Variants in CPA6 observed in about 807,000 individuals in gnomAD.
CPA6 encodes carboxypeptidase B.
A neutral mutation model predicts 63.3 loss-of-function variants in CPA6; 58 were observed. The observed-to-expected ratio is 0.92, with a 90% CI of 0.74 to 1.14. CPA6 has a LOEUF of 1.14. Ranked by LOEUF, CPA6 falls within the 50% of genes most tolerant of loss-of-function variation. The pLI is 0.00. For synonymous variants in CPA6, 185 were observed against 179.0 expected, an observed-to-expected ratio of 1.03 and a Z score of -0.27; for missense variants, 565 against 526.6, an observed-to-expected ratio of 1.07 and a Z score of -0.71.
intron 8 of CPA6, 190 bp downstream of exon 8, chr8:67,483,578 A>G: frequency 1.7e-6 from 1 of 594,852 alleles, no homozygotes; most frequent in South Asian, 2.1e-5. Flanking sequence ...TGATTTTTAT[A>G]TATTAAAAAA....
At chr8:67,437,419 C>CA (rs201067468) in intron 8 of CPA6, among the ~76,000 whole-genome samples, 2,833 of 151,264 alleles carry the variant, frequency 0.019, 55 homozygotes, top group African/African-American at 0.054. Flanking sequence ...TAAAACAAAA[C>CA]AAAAAAAACT....
At chr8:67,619,084 G>A (rs1042742140) in intron 2 of CPA6, among the ~76,000 whole-genome samples, 3 of 152,196 alleles carry the variant, frequency 2.0e-5, no homozygotes, top group Non-Finnish European at 2.9e-5. Flanking sequence ...TCTCTTCTCA[G>A]ATTCCGTTCA....
At chr8:67,516,203 C>T (rs906393391) in intron 3 of CPA6, among the ~76,000 whole-genome samples, 1 of 152,304 alleles carries the variant, frequency 6.6e-6, no homozygotes, top group East Asian at 1.9e-4. Context: ...CCCCTCCTTC[C>T]TTACTTTCAG....
chr8:67,510,332 T>C (rs939265349), intron 4 of CPA6, among the ~76,000 whole-genome samples: 6 of 152,098 alleles, frequency 3.9e-5, no homozygotes, highest in Non-Finnish European at 7.4e-5. Flanking sequence ...GCTGAAAAAA[T>C]AGCTAAATAT....
chr8:67,559,872 C>T (rs140516900), intron 2 of CPA6, among the ~76,000 whole-genome samples: 7 of 113,326 alleles, frequency 6.2e-5, no homozygotes, highest in Non-Finnish European at 1.3e-4. Context: ...TATATGTATA[C>T]ACACACACAC....
rs372889184 is a variant in CPA6 at position 67,516,972 on chromosome 8, T to A, written c.317+951A>T. ...CCACTACACCCAGCTAATTTTTGTA[T>A]TTTTAGTAGAGACAGGGTTTCACCA... On this transcript the variant is annotated intron_variant, in intron 3 of 10. Transcript: ENST00000297770. Among the ~76,000 whole-genome samples, 12 of 152,172 alleles carry A rather than the reference T, an allele frequency of 7.9e-5. No homozygotes were observed. The South Asian group carries it at 1.5e-3, about 18-fold the overall frequency.
intron 9 of CPA6, among the ~76,000 whole-genome samples, chr8:67,433,550 C>G (rs1275753520): frequency 1.3e-5 from 2 of 152,178 alleles, no homozygotes; most frequent in Non-Finnish European, 2.9e-5. Context: ...AAATTAAAAC[C>G]TGCTTTTAAT....
intron 1 of CPA6, among the ~76,000 whole-genome samples, chr8:67,706,036 GT>G (rs1817127346): frequency 6.6e-6 from 1 of 152,106 alleles, no homozygotes; most frequent in African/African-American, 2.4e-5. Flanking sequence ...ATAACTGGTT[GT>G]TTACAAAGAG....
At chr8:67,480,650 G>A (rs1170320051) in intron 8 of CPA6, among the ~76,000 whole-genome samples, 1 of 124,842 alleles carries the variant, frequency 8.0e-6, no homozygotes, top group Non-Finnish European at 1.7e-5. Flanking sequence ...AAGTCATTAT[G>A]GGAATAAATG....
intron 1 of CPA6, among the ~76,000 whole-genome samples, chr8:67,736,711 G>A (rs922801617): frequency 1.3e-5 from 2 of 152,134 alleles, no homozygotes; most frequent in African/African-American, 4.8e-5. Flanking sequence ...TGACACATCA[G>A]TTTCTGGAAT....
intron 1 of CPA6, among the ~76,000 whole-genome samples, chr8:67,650,879 G>A (rs1815821601): frequency 6.6e-6 from 1 of 152,138 alleles, no homozygotes; most frequent in African/African-American, 2.4e-5. Context: ...GCAGGAGTGG[G>A]AGTAGGGAAT....
chr8:67,711,870 C>A (rs1258580468), intron 1 of CPA6, among the ~76,000 whole-genome samples: 2 of 152,174 alleles, frequency 1.3e-5, no homozygotes, highest in African/African-American at 2.4e-5. Context: ...CTACACCAAT[C>A]AATACCCTGG....
intron 8 of CPA6, among the ~76,000 whole-genome samples, chr8:67,459,322 C>A (rs1445536904): frequency 2.6e-5 from 4 of 152,050 alleles, no homozygotes; most frequent in Non-Finnish European, 4.4e-5. Context: ...CCATGCCCAG[C>A]CAACAGCTTT....
chr8:67,701,396 A>G (rs1817021757), intron 1 of CPA6, among the ~76,000 whole-genome samples: 1 of 152,210 alleles, frequency 6.6e-6, no homozygotes, highest in Non-Finnish European at 1.5e-5. Flanking sequence ...ATAAACAGGT[A>G]ATATTTAAAT....
intron 7 of CPA6, 133 bp from the exon 8 acceptor site, chr8:67,483,991 A>G (rs189227505): frequency 0.01 from 7,424 of 714,404 alleles, 52 homozygotes; most frequent in Non-Finnish European, 0.013. Context: ...AAGCCCAGGG[A>G]GTGAAAAAGA....
chr8:67,476,684 A>G (rs1293000274), intron 8 of CPA6, among the ~76,000 whole-genome samples: 2 of 152,112 alleles, frequency 1.3e-5, no homozygotes, highest in African/African-American at 4.8e-5. Flanking sequence ...GTAATCATTC[A>G]TGGCAACTTG....
intron 2 of CPA6, among the ~76,000 whole-genome samples, chr8:67,614,672 A>C (rs1412973933): frequency 1.3e-5 from 2 of 152,170 alleles, no homozygotes; most frequent in Admixed American, 1.3e-4. Context: ...GTGTGTAGAA[A>C]CATGTTCATG....
chr8:67,697,766 G>GA (rs34738646), intron 1 of CPA6, among the ~76,000 whole-genome samples: 66,085 of 149,522 alleles, frequency 0.44, 16,283 homozygotes, highest in African/African-American at 0.69. Context: ...GCAGTCGCAG[G>GA]AAAAAAAAAA....
At chr8:67,736,461 T>C (rs1817814631) in intron 1 of CPA6, among the ~76,000 whole-genome samples, 1 of 152,228 alleles carries the variant, frequency 6.6e-6, no homozygotes, top group East Asian at 1.9e-4. Flanking sequence ...AATGATGTCC[T>C]GAATGGCCTA....
Sources: allele counts gnomAD v4.1 joint callset (sites outside exome capture counted in the v4.1 genomes callset), GRCh38; gene constraint gnomAD v4.1.1; transcripts MANE v1.5; gene names NCBI Gene and HGNC (gene_info 2026-07-23, HGNC 2026-07-21).